UQCRC2: variants seen among roughly 807,000 people sequenced by gnomAD.
UQCRC2 encodes the protein ubiquinol-cytochrome c reductase core protein 2, also known as cytochrome b-c1 complex subunit 2, mitochondrial.
Under a neutral mutation model 55.6 loss-of-function variants are expected in UQCRC2, and 49 were observed. The ratio of observed to expected loss-of-function variants is 0.88; its 90% CI spans 0.70 to 1.12. UQCRC2 has a LOEUF of 1.12. Among genes scored for constraint, UQCRC2 ranks in the 50% most tolerant of loss-of-function variants. UQCRC2 has a pLI of 0.00. For missense variants in UQCRC2, 506 were observed against 547.8 expected, an observed-to-expected ratio of 0.92 and a Z score of 0.76; for synonymous variants, 193 against 192.0, an observed-to-expected ratio of 1.01 and a Z score of -0.04.
chr16:21,979,719 T>C (rs1414189621), intron 12 of UQCRC2, among the ~76,000 whole-genome samples: 3 of 150,126 alleles, frequency 2.0e-5, no homozygotes, highest in Non-Finnish European at 4.5e-5. Context: ...TGCACTGCTG[T>C]AGATACTAAA....
At chr16:21,965,296 A>G (rs1567472672) in intron 6 of UQCRC2, 112 bp from the exon 7 acceptor site, 12 of 877,458 alleles carry the variant, frequency 1.4e-5, no homozygotes, top group Non-Finnish European at 2.0e-5. Context: ...CTCTTAACAT[A>G]TGAATGCCAG....
In UQCRC2 at chr16:21,983,258, C is replaced by G; in HGVS notation, c.*87C>G. 1 of 1,218,452 alleles carries G rather than the reference C, an allele frequency of 8.2e-7. No individual in the cohort carries two copies. The highest frequency in any genetic ancestry group is 1.2e-6 in the Non-Finnish European group (1 of 863,962). The allele number at this position is 1,218,452 out of a possible 1,614,324, so 75.5% of individuals were successfully genotyped here. ...TGAAAGTCAGAAGTCTCTAATATAT[C>G]ATTTGTCTTTTTTCCAGTGAGGTAA... On this transcript the variant is annotated 3_prime_UTR_variant, in exon 14 of 14. Coordinates refer to ENST00000268379, the MANE Select transcript of UQCRC2 (RefSeq NM_003366.4).
chr16:21,959,448 G>T, intron 4 of UQCRC2: 1 of 173,120 alleles, frequency 5.8e-6, no homozygotes, highest in South Asian at 1.1e-4. Flanking sequence ...TAAGATTGCA[G>T]CCATTCAGTC....
At chr16:21,962,437 C>T (rs1229688330) in intron 4 of UQCRC2, 23 bp from the exon 5 acceptor site, 1 of 1,613,764 alleles carries the variant, frequency 6.2e-7, no homozygotes, top group Admixed American at 1.7e-5. Context: ...AGATGATTTA[C>T]TCTAGTTTAT....
chr16:21,953,596 T>C, intron 1 of UQCRC2, 140 bp downstream of exon 1: 2 of 1,099,418 alleles, frequency 1.8e-6, no homozygotes, highest in Non-Finnish European at 2.6e-6. Context: ...CCAAGTGGGC[T>C]GCAGACTGGG....
intron 8 of UQCRC2, among the ~76,000 whole-genome samples, chr16:21,969,880 T>G (rs576033923): frequency 4.6e-5 from 7 of 152,116 alleles, no homozygotes; most frequent in East Asian, 1.9e-4. Flanking sequence ...TTTTGTTTTT[T>G]TTTTTAAAGA....
At chr16:21,955,511 T>C (rs765933378) in intron 1 of UQCRC2, among the ~76,000 whole-genome samples, 5 of 152,224 alleles carry the variant, frequency 3.3e-5, no homozygotes, top group African/African-American at 7.2e-5. Context: ...TCATGAACTT[T>C]AGTCATAATC....
chr16:21,958,447 TCTG>T (rs1898128335), intron 3 of UQCRC2, 85 bp from the exon 4 acceptor site: 3 of 1,159,398 alleles, frequency 2.6e-6, no homozygotes, highest in Non-Finnish European at 3.8e-6. Context: ...TCTTTTTAAA[TCTG>T]CTCACAACAG....
At chr16:21,972,211 G>A in intron 10 of UQCRC2, 89 bp downstream of exon 10, 1 of 1,455,944 alleles carries the variant, frequency 6.9e-7, no homozygotes, top group South Asian at 1.3e-5. Flanking sequence ...TAAAATGTAA[G>A]ACAAACACAC....
At chr16:21,980,844 A>C (rs1898707524) in intron 13 of UQCRC2, 144 bp downstream of exon 13, 1 of 932,522 alleles carries the variant, frequency 1.1e-6, no homozygotes, top group South Asian at 2.0e-5. Flanking sequence ...AGGAGGGCTC[A>C]TTCCCATAAG....
At chr16:21,962,636 C>G in intron 5 of UQCRC2, 120 bp downstream of exon 5, 2 of 1,588,276 alleles carry the variant, frequency 1.3e-6, no homozygotes, top group East Asian at 4.5e-5. Flanking sequence ...TGTTCATAAA[C>G]TGCTCAAAAA....
At chr16:21,955,756 C>G (rs926004548) in intron 1 of UQCRC2, among the ~76,000 whole-genome samples, 4 of 152,028 alleles carry the variant, frequency 2.6e-5, no homozygotes, top group African/African-American at 9.7e-5. Context: ...GGTCTTAATA[C>G]AGCACACAAG....
chr16:21,965,391 C>T lies in UQCRC2; in HGVS notation c.515-17C>T, dbSNP rs768844759. The T allele has an allele frequency of 6.2e-7, 1 of 1,611,644 alleles. No homozygotes were observed. The highest frequency in any genetic ancestry group is 1.1e-5 in the South Asian group (1 of 91,018). On this transcript the variant is annotated splice_polypyrimidine_tract_variant and intron_variant, in intron 6 of 13. Coordinates refer to ENST00000268379, the MANE Select transcript of UQCRC2 (RefSeq NM_003366.4). Reference sequence around the variant, plus strand: ...TGAAAGTGCATTTCCCTAAATGCTTCTTCACTTATCTCACAGATGTCATTG... The same window carrying T: ...TGAAAGTGCATTTCCCTAAATGCTTTTTCACTTATCTCACAGATGTCATTG...
intron 12 of UQCRC2, among the ~76,000 whole-genome samples, chr16:21,977,283 G>A (rs1000559440): frequency 1.3e-5 from 2 of 151,954 alleles, no homozygotes; most frequent in African/African-American, 4.8e-5. Context: ...GAGCCCACGA[G>A]TTTGAGGCTG....
chr16:21,980,508 C>T (rs959309403), intron 12 of UQCRC2, 39 bp from the exon 13 acceptor site: 2 of 1,594,952 alleles, frequency 1.3e-6, no homozygotes, highest in Non-Finnish European at 1.7e-6. Flanking sequence ...AAATAATTGC[C>T]TTGCTCTCTA....
intron 9 of UQCRC2, 54 bp downstream of exon 9, chr16:21,971,674 G>C (rs1898465473): frequency 9.0e-6 from 14 of 1,557,418 alleles, no homozygotes; most frequent in Non-Finnish European, 8.8e-7. Context: ...TTCCCCACTA[G>C]AATAGCATAT....
chr16:21,961,317 T>G (rs1435935307), intron 4 of UQCRC2: 1 of 448,790 alleles, frequency 2.2e-6, no homozygotes, highest in African/African-American at 2.0e-5. Context: ...GATCTAAGTG[T>G]CCATCTTTAG....
chr16:21,983,127 G>GC lies in UQCRC2; in HGVS notation c.1319dup (p.Ser441LysfsTer11), dbSNP rs1346272835. 3 of 1,614,036 alleles carry GC rather than the reference G, an allele frequency of 1.9e-6. No individual in the cohort carries two copies. The highest frequency in any genetic ancestry group is 2.5e-6 in the Non-Finnish European group (3 of 1,180,022). ...TGTTTCTGGCCAGAAGTCAATGGCA[G>GC]CAAGTGGAAATTTGGGACATACACC... On this transcript the variant is annotated frameshift_variant, in exon 14 of 14. Transcript: ENST00000268379. LOFTEE classifies it high-confidence loss of function.
In UQCRC2 at chr16:21,983,432, G is replaced by T. The variant is rs1217637617; in HGVS notation, c.*261G>T. ...TCTTTGTTTTAGATGCTTTAAAGGA[G>T]ACAGGAATATAATTATTGAGTATAG... On this transcript the variant is annotated 3_prime_UTR_variant, in exon 14 of 14. Coordinates refer to ENST00000268379, the MANE Select transcript of UQCRC2 (RefSeq NM_003366.4). 3 of 446,320 alleles carry T rather than the reference G, an allele frequency of 6.7e-6. No homozygotes were observed. Among genetic ancestry groups the T allele is most frequent in the African/African-American group, 6.1e-5 (3 of 49,066 alleles). 27.6% of individuals were successfully genotyped at this position (446,320 alleles called of 1,614,324 possible). A position where few individuals can be genotyped will look rare whatever the true frequency, so the allele number is the denominator to read the frequency against.
Sources: allele counts gnomAD v4.1 joint callset (sites outside exome capture counted in the v4.1 genomes callset), GRCh38; gene constraint gnomAD v4.1.1; transcripts MANE v1.5; gene names NCBI Gene and HGNC (gene_info 2026-07-23, HGNC 2026-07-21).